The following CRYM variants were observed in gnomAD, a reference collection of about 807,000 sequenced individuals.
CRYM encodes crystallin mu, also known as ketimine reductase mu-crystallin.
A neutral mutation model predicts 32.9 loss-of-function variants in CRYM; 18 were observed. The ratio of observed to expected loss-of-function variants is 0.55; its 90% CI spans 0.38 to 0.81. The LOEUF is 0.81. Ranked by LOEUF, CRYM falls within the 30% of genes least tolerant of loss-of-function variation. The probability of loss-of-function intolerance (pLI) is 0.00; values close to 1 mark genes in which losing one functional copy is unlikely to be tolerated. For missense variants in CRYM, 337 were observed against 393.5 expected, an observed-to-expected ratio of 0.86 and a Z score of 1.21; for synonymous variants, 153 against 152.4, an observed-to-expected ratio of 1.00 and a Z score of -0.03.
In CRYM at chr16:21,266,394, C is replaced by T. The variant is rs551187310; in HGVS notation, c.673+1160G>A. On this transcript the variant is annotated intron_variant, in intron 5 of 7. Transcript: ENST00000572914. ...ACATAGAATAATGTCATTTAATATA[C>T]AAAGAATTATACAAAGAATTCATGA... 3.3e-5 allele frequency among the ~76,000 whole-genome samples: 5 copies of T among 152,072 alleles called. No individual in the cohort carries two copies. The South Asian group carries it at 1.0e-3, about 32-fold the overall frequency.
At chr16:21,267,820 G>T in intron 4 of CRYM, 83 bp from the exon 5 acceptor site, 9 of 1,361,812 alleles carry the variant, frequency 6.6e-6, no homozygotes, top group Non-Finnish European at 9.4e-6. Context: ...CGGAGGGAAA[G>T]TTGAACTACT....
rs757959560 is a variant in CRYM at position 21,267,734 on chromosome 16, T to C, written c.493A>G (p.Arg165Gly). The C allele has an allele frequency of 6.2e-7, 1 of 1,614,204 alleles. No individual in the cohort carries two copies. Among genetic ancestry groups the C allele is most frequent in the East Asian group, 2.2e-5 (1 of 44,888 alleles). Residue 165 changes from arginine to glycine, a missense_variant, in exon 5 of 8, where the codon AGG becomes GGG. Physicochemically the swap from Arg to Gly is moderately radical, Grantham distance 125. Coordinates refer to ENST00000572914, the MANE Select transcript of CRYM (RefSeq NM_001376256.1). ...TTTTCTTTGGTGCGGTTCCATATCCTCACCTTCATTGGGAGTAACAAGAAG... is the reference window on the plus strand; with the variant it reads ...TTTTCTTTGGTGCGGTTCCATATCCCCACCTTCATTGGGAGTAACAAGAAG... ...FTEQFSFKEVRIWNRTKENAE... is the reference protein window; with the variant it reads ...FTEQFSFKEVGIWNRTKENAE...
chr16:21,274,940 C>T (rs1450780111), intron 3 of CRYM, among the ~76,000 whole-genome samples: 1 of 152,170 alleles, frequency 6.6e-6, no homozygotes, highest in Non-Finnish European at 1.5e-5. Context: ...GTCTACCTCC[C>T]CTGTGTGTGC....
At chr16:21,281,060 G>A (rs1016834791), upstream of CRYM, among the ~76,000 whole-genome samples, 1 of 151,494 alleles carries the variant, frequency 6.6e-6, no homozygotes. Flanking sequence ...AGCCGAGATC[G>A]TGCCACTGCA....
chr16:21,263,658 T>C (rs1597613976), intron 5 of CRYM, among the ~76,000 whole-genome samples: 3 of 152,320 alleles, frequency 2.0e-5, no homozygotes, highest in Non-Finnish European at 2.9e-5. Flanking sequence ...ACATCCTCTA[T>C]GGAGTCCAGG....
chr16:21,301,488 C>T (rs919865976), intron 1 of CRYM, among the ~76,000 whole-genome samples: 1 of 152,102 alleles, frequency 6.6e-6, no homozygotes, highest in African/African-American at 2.4e-5. Context: ...CGCCCCCAGA[C>T]GGGCTGGCGA....
At chr16:21,283,166 C>G (rs1238492700), upstream of CRYM, among the ~76,000 whole-genome samples, 1 of 152,106 alleles carries the variant, frequency 6.6e-6, no homozygotes, top group Non-Finnish European at 1.5e-5. Flanking sequence ...ACTTACATCC[C>G]CCTAGACTTC....
intron 1 of CRYM, among the ~76,000 whole-genome samples, chr16:21,297,940 G>A (rs1960821793): frequency 6.6e-6 from 1 of 152,236 alleles, no homozygotes; most frequent in Admixed American, 6.5e-5. Flanking sequence ...TGATCTTTAT[G>A]TTCTCATGCT....
At chr16:21,288,448 A>C (rs879761979) in intron 1 of CRYM, among the ~76,000 whole-genome samples, 26 of 151,892 alleles carry the variant, frequency 1.7e-4, no homozygotes, top group Admixed American at 6.5e-4. Flanking sequence ...AATGTTTTTT[A>C]ATTTTTGTAA....
At chr16:21,268,847 A>G (rs1303926563) in intron 4 of CRYM, among the ~76,000 whole-genome samples, 4 of 152,178 alleles carry the variant, frequency 2.6e-5, no homozygotes, top group Admixed American at 1.3e-4. Flanking sequence ...TCTTCCTTGT[A>G]TTAAAAGTAA....
At chr16:21,293,124 A>G (rs1960704969) in intron 1 of CRYM, among the ~76,000 whole-genome samples, 1 of 152,234 alleles carries the variant, frequency 6.6e-6, no homozygotes, top group East Asian at 1.9e-4. Context: ...ATGAGGTGCC[A>G]AAGTAATTCA....
chr16:21,296,205 T>C (rs1251287335), intron 1 of CRYM, among the ~76,000 whole-genome samples: 1 of 152,236 alleles, frequency 6.6e-6, no homozygotes, highest in African/African-American at 2.4e-5. Context: ...CCCAAAGTGT[T>C]GGGATTAAAC....
intron 4 of CRYM, 24 bp downstream of exon 4, chr16:21,269,766 T>TTCCCC: frequency 2.8e-5 from 19 of 690,468 alleles, no homozygotes; most frequent in South Asian, 7.1e-5. Flanking sequence ...CCCTCTTCTC[T>TTCCCC]CCCACCCCCA....
chr16:21,283,019 A>G (rs2093400851), upstream of CRYM, among the ~76,000 whole-genome samples: 1 of 152,160 alleles, frequency 6.6e-6, no homozygotes, highest in East Asian at 1.9e-4. Flanking sequence ...GTATTGAGAA[A>G]GCTGGTGTAA....
rs1012707817 is a variant in CRYM at position 21,284,695 on chromosome 16, A to G, written c.-192-5735T>C. Among the ~76,000 whole-genome samples, 3 of 152,154 alleles carry G rather than the reference A, an allele frequency of 2.0e-5. No homozygotes were observed. In the South Asian group the frequency reaches 6.2e-4, roughly 32 times the overall value. ...TCCAATCCACCATTGATAGGCACCT[A>G]GGTTGATTCTATGTCTTTGCTATTG... On this transcript the variant is annotated intron_variant, in intron 1 of 9. Coordinates refer to the CRYM transcript ENST00000219599.
chr16:21,287,089 CAA>C lies in CRYM; in HGVS notation c.-192-8131_-192-8130del, dbSNP rs71151633. 8.1e-3 allele frequency among the ~76,000 whole-genome samples: 913 copies of C among 113,246 alleles called. 36 individuals carry two copies. The East Asian group carries it at 0.16, about 20-fold the overall frequency. The allele number at this position is 113,246 out of a possible 152,430, so 74.3% of individuals were successfully genotyped here. A position where few individuals can be genotyped will look rare whatever the true frequency, so the allele number is the denominator to read the frequency against. ...TGGGCGACAGAGCGAGACTCCGTCT[CAA>C]AAAAAAAAAAAAGGAAAATACTTAA... On this transcript the variant is annotated intron_variant, in intron 1 of 9. Transcript: ENST00000219599.
intron 3 of CRYM, among the ~76,000 whole-genome samples, chr16:21,270,349 T>C (rs775671323): frequency 6.6e-6 from 1 of 152,124 alleles, no homozygotes; most frequent in Non-Finnish European, 1.5e-5. Flanking sequence ...AGTGGCACGA[T>C]CTTGGCTCAT....
upstream of CRYM, chr16:21,278,858 CA>C (rs1158119936): frequency 1.3e-5 from 2 of 152,376 alleles, no homozygotes; most frequent in Non-Finnish European, 2.9e-5. Flanking sequence ...ACTAACCTAA[CA>C]AACCTTCGCC....
intron 1 of CRYM, among the ~76,000 whole-genome samples, chr16:21,301,991 G>T (rs1960955787): frequency 6.6e-6 from 1 of 152,218 alleles, no homozygotes; most frequent in Admixed American, 6.5e-5. Context: ...GCCGCGATGG[G>T]CGCGCAGAGC....
Sources: gnomAD v4.1 joint callset for allele counts (sites outside exome capture counted in the v4.1 genomes callset) on GRCh38, gnomAD v4.1.1 for gene constraint, MANE v1.5 for transcripts, NCBI Gene and HGNC (gene_info 2026-07-23, HGNC 2026-07-21) for gene names.